WASHC5: variants seen among roughly 807,000 people sequenced by gnomAD.
WASHC5 encodes WASH complex subunit 5, also known as WASH complex subunit strumpellin.
In WASHC5, 101 loss-of-function variants were observed where a neutral mutation model predicts 150.4. The ratio of observed to expected loss-of-function variants is 0.67; its 90% CI spans 0.57 to 0.79. The LOEUF (loss-of-function observed/expected upper bound fraction) is 0.79. Ranked by LOEUF, WASHC5 falls within the 30% of genes least tolerant of loss-of-function variation. The probability of loss-of-function intolerance (pLI) is 0.00; values close to 1 mark genes in which losing one functional copy is unlikely to be tolerated. For missense variants in WASHC5, 1,195 were observed against 1,396.3 expected (o/e 0.86, Z 2.30); for synonymous variants, 467 against 491.2 (o/e 0.95, Z 0.65).
chr8:125,059,097 C>A (rs973724115), intron 14 of WASHC5, 125 bp downstream of exon 14: 2 of 738,092 alleles, frequency 2.7e-6, no homozygotes, highest in African/African-American at 3.5e-5. Context: ...CAATTTCAGT[C>A]TATAAAAATA....
intron 1 of WASHC5, among the ~76,000 whole-genome samples, chr8:125,087,418 G>A (rs1817452034): frequency 1.3e-5 from 2 of 152,306 alleles, no homozygotes; most frequent in South Asian, 4.1e-4. Flanking sequence ...ACAAGTAGGT[G>A]AGGGAACAAT....
intron 20 of WASHC5, 121 bp from the exon 21 acceptor site, chr8:125,044,819 T>C (rs1474057664): frequency 4.8e-6 from 5 of 1,035,206 alleles, no homozygotes; most frequent in Non-Finnish European, 6.0e-6. Context: ...GATCTGTGTT[T>C]TCTAACCTCT....
intron 11 of WASHC5, among the ~76,000 whole-genome samples, chr8:125,062,146 C>T (rs1331095824): frequency 3.3e-5 from 5 of 151,994 alleles, no homozygotes; most frequent in African/African-American, 1.2e-4. Context: ...TGAGGGGCAG[C>T]GATGGAGTAG....
chr8:125,069,172 C>T lies in WASHC5; in HGVS notation c.1151-1453G>A, dbSNP rs572779610. Reference sequence around the variant, plus strand: ...TTATCTTGGGAGTGGGTTAGTTATTCCAACAGTGGCTTTGCTATAAAAGTG... The same window carrying T: ...TTATCTTGGGAGTGGGTTAGTTATTTCAACAGTGGCTTTGCTATAAAAGTG... On this transcript the variant is annotated intron_variant, in intron 9 of 28. Transcript: ENST00000318410. Among the ~76,000 whole-genome samples, 24 of 152,304 alleles carry T rather than the reference C, an allele frequency of 1.6e-4. No homozygotes were observed. The East Asian group carries it at 4.6e-3, about 29-fold the overall frequency.
chr8:125,085,808 C>A (rs868306151), intron 1 of WASHC5, among the ~76,000 whole-genome samples: 3 of 152,136 alleles, frequency 2.0e-5, no homozygotes, highest in Admixed American at 6.5e-5. Flanking sequence ...TGAAATAACT[C>A]CTCGGACTTG....
At chr8:125,066,621 C>G (rs1428740344) in intron 10 of WASHC5, among the ~76,000 whole-genome samples, 1 of 152,184 alleles carries the variant, frequency 6.6e-6, no homozygotes, top group Admixed American at 6.5e-5. Flanking sequence ...AATACCCTTT[C>G]CAGTGGTTCT....
chr8:125,040,546 T>G (rs1815855486), intron 23 of WASHC5: 1 of 154,786 alleles, frequency 6.5e-6, no homozygotes, highest in African/African-American at 2.4e-5. Context: ...GTTCCCATAA[T>G]CCCCATGTGT....
At chr8:125,054,544 C>T (rs571196969) in intron 17 of WASHC5, among the ~76,000 whole-genome samples, 9 of 152,202 alleles carry the variant, frequency 5.9e-5, no homozygotes, top group East Asian at 5.8e-4. Context: ...TGTTAAAAGA[C>T]GGATATGGGC....
rs75396830 is a variant in WASHC5 at position 125,070,712 on chromosome 8, C to T, written c.1150+2441G>A. 3.4e-3 allele frequency among the ~76,000 whole-genome samples: 519 copies of T among 152,318 alleles called. 4 individuals carry two copies. Among genetic ancestry groups the T allele is most frequent in the African/African-American group, 0.012 (494 of 41,580 alleles). On this transcript the variant is annotated intron_variant, in intron 9 of 28. Transcript: ENST00000318410. ...AAACTCAACTAATTAAAAACAGATT[C>T]AGGGATTAAAAACTTCAGCCATCGT... is the stretch of plus-strand genomic sequence containing the variant.
intron 6 of WASHC5, among the ~76,000 whole-genome samples, chr8:125,077,791 T>A (rs1817109430): frequency 6.6e-6 from 1 of 152,154 alleles, no homozygotes. Flanking sequence ...GAAAATGGTA[T>A]GGGAACAAAA....
intron 17 of WASHC5, among the ~76,000 whole-genome samples, chr8:125,054,330 T>C (rs192659340): frequency 2.0e-5 from 3 of 152,254 alleles, no homozygotes; most frequent in East Asian, 1.9e-4. Context: ...GAGCACAATA[T>C]GGTTGAGATA....
intron 11 of WASHC5, 42 bp downstream of exon 11, chr8:125,063,480 C>A (rs1260930715): frequency 6.2e-7 from 1 of 1,607,028 alleles, no homozygotes; most frequent in Admixed American, 1.7e-5. Flanking sequence ...ATAACCTGTG[C>A]ACACATTCCA....
chr8:125,057,146 G>C (rs1269087380), intron 15 of WASHC5, among the ~76,000 whole-genome samples: 2 of 152,130 alleles, frequency 1.3e-5, no homozygotes, highest in Non-Finnish European at 2.9e-5. Flanking sequence ...ATTCAGGCTG[G>C]TCTGGCTCCA....
At chr8:125,064,475 G>A (rs1816692727) in intron 10 of WASHC5, among the ~76,000 whole-genome samples, 1 of 151,344 alleles carries the variant, frequency 6.6e-6, no homozygotes, top group Non-Finnish European at 1.5e-5. Context: ...TCCCTCCTTG[G>A]TCTCCCACAC....
At chr8:125,077,866 C>A (rs1817111200) in intron 6 of WASHC5, among the ~76,000 whole-genome samples, 1 of 152,070 alleles carries the variant, frequency 6.6e-6, no homozygotes. Flanking sequence ...GGAGACCTGG[C>A]ATCTGTGGGT....
chr8:125,056,990 T>TA (rs1006738391), intron 15 of WASHC5, among the ~76,000 whole-genome samples, 173 bp from the exon 16 acceptor site: 5 of 152,180 alleles, frequency 3.3e-5, no homozygotes, highest in Non-Finnish European at 7.3e-5. Context: ...ATTAATTGCT[T>TA]ACAGAATATA....
intron 6 of WASHC5, among the ~76,000 whole-genome samples, chr8:125,077,781 G>C (rs1817108982): frequency 1.3e-5 from 2 of 152,198 alleles, no homozygotes; most frequent in African/African-American, 2.4e-5. Context: ...GAGGAACAGA[G>C]AAAATGGTAT....
intron 28 of WASHC5, among the ~76,000 whole-genome samples, chr8:125,026,026 T>G (rs1815372331): frequency 6.6e-6 from 1 of 152,186 alleles, no homozygotes; most frequent in African/African-American, 2.4e-5. Flanking sequence ...ACAAATGTTT[T>G]TTTAAAATAG....
chr8:125,054,839 G>A (rs1816359932), intron 17 of WASHC5, among the ~76,000 whole-genome samples: 1 of 150,122 alleles, frequency 6.7e-6, no homozygotes, highest in Non-Finnish European at 1.5e-5. Flanking sequence ...AAAGGGATAT[G>A]ATTATCTTAG....
Sources: allele counts gnomAD v4.1 joint callset (sites outside exome capture counted in the v4.1 genomes callset), GRCh38; gene constraint gnomAD v4.1.1; transcripts MANE v1.5; gene names NCBI Gene and HGNC (gene_info 2026-07-23, HGNC 2026-07-21).